FIGNL2: variants seen among roughly 807,000 people sequenced by gnomAD.
FIGNL2 encodes fidgetin like 2.
For missense variants in FIGNL2, 1,060 were observed against 950.2 expected (o/e 1.12, Z -1.52); for synonymous variants, 565 against 484.0 (o/e 1.17, Z -2.20).
chr12:51,835,354 T>A (rs1199972167), intron 1 of FIGNL2: 1 of 152,294 alleles, frequency 6.6e-6, no homozygotes, highest in African/African-American at 2.4e-5. Context: ...AAGGAACAGA[T>A]GATTCTCTAA....
chr12:51,832,732 C>T (rs1939496564), intron 1 of FIGNL2, among the ~76,000 whole-genome samples: 1 of 152,164 alleles, frequency 6.6e-6, no homozygotes, highest in Non-Finnish European at 1.5e-5. Context: ...ACATAGTTCT[C>T]CAGCTGAGAT....
chr12:51,844,838 G>A (rs1489429164), intron 1 of FIGNL2: 2 of 985,264 alleles, frequency 2.0e-6, no homozygotes, highest in African/African-American at 3.5e-5. Flanking sequence ...CTTAAAGGCT[G>A]GCCTAGTGCC....
intron 1 of FIGNL2, among the ~76,000 whole-genome samples, chr12:51,822,976 C>G (rs775271775): frequency 6.6e-6 from 1 of 152,372 alleles, no homozygotes; most frequent in African/African-American, 2.4e-5. Context: ...CTCAGCCCTT[C>G]CTGAGATTCT....
At chr12:51,831,314 G>C (rs1220967732) in intron 1 of FIGNL2, among the ~76,000 whole-genome samples, 1 of 152,264 alleles carries the variant, frequency 6.6e-6, no homozygotes, top group African/African-American at 2.4e-5. Flanking sequence ...GAGCACTGGG[G>C]CATGGAGGGG....
intron 1 of FIGNL2, among the ~76,000 whole-genome samples, chr12:51,830,027 G>T (rs1324124465): frequency 6.6e-6 from 1 of 152,158 alleles, no homozygotes; most frequent in East Asian, 1.9e-4. Flanking sequence ...GGTGGCTCAT[G>T]CCTGTAATCC....
chr12:51,819,957 G>C lies in FIGNL2; in HGVS notation c.*495C>G. On this transcript the variant is annotated 3_prime_UTR_variant, in exon 2 of 2. Transcript: ENST00000618634. Reference sequence around the variant, plus strand: ...AGGGATGGAGACAGAAGCACAGAGGGTGAGGGATGGAGAGCTGGGGAGGGA... The same window carrying C: ...AGGGATGGAGACAGAAGCACAGAGGCTGAGGGATGGAGAGCTGGGGAGGGA... 1 of 170,018 alleles carries C rather than the reference G, an allele frequency of 5.9e-6. No individual in the cohort carries two copies. Among genetic ancestry groups the C allele is most frequent in the South Asian group, 1.4e-4 (1 of 7,096 alleles). 10.5% of individuals were successfully genotyped at this position (170,018 alleles called of 1,614,324 possible). A position where few individuals can be genotyped will look rare whatever the true frequency, so the allele number is the denominator to read the frequency against.
In FIGNL2 at chr12:51,820,263, G is replaced by A. The variant is rs1939139610; in HGVS notation, c.*189C>T. On this transcript the variant is annotated 3_prime_UTR_variant, in exon 2 of 2. Coordinates refer to ENST00000618634, the MANE Select transcript of FIGNL2 (RefSeq NM_001384995.1). ...AAAAACCTGAGTACACGGCGCATAT[G>A]GCATCTGCCTGGCAGAAGCATTTTC... 4 of 719,030 alleles carry A rather than the reference G, an allele frequency of 5.6e-6. No homozygotes were observed. Among genetic ancestry groups the A allele is most frequent in the Non-Finnish European group, 4.4e-6 (2 of 454,532 alleles). 44.5% of individuals were successfully genotyped at this position (719,030 alleles called of 1,614,324 possible).
chr12:51,821,197 T>G lies in FIGNL2; in HGVS notation c.1217A>C (p.Glu406Ala). ...GQGALKAALE[E>A]ELVWPLLRPP... is the part of the protein sequence containing the mutation. ...CCTGAGCAGGGGCCACACCAGCTCC[T>G]CCTCCAGCGCCGCCTTGAGCGCGCC... The change falls in exon 2 of 2, where the codon GAG becomes GCG. Residue 406 changes from glutamate to alanine, a missense_variant. Coordinates refer to ENST00000618634, the MANE Select transcript of FIGNL2 (RefSeq NM_001384995.1). 1 of 1,518,086 alleles carries G rather than the reference T, an allele frequency of 6.6e-7. No homozygotes were observed. The highest frequency in any genetic ancestry group is 8.8e-7 in the Non-Finnish European group (1 of 1,139,952). The allele number at this position is 1,518,086 out of a possible 1,614,324, so 94.0% of individuals were successfully genotyped here.
chr12:51,834,099 G>T (rs1464318118), intron 1 of FIGNL2, among the ~76,000 whole-genome samples: 4 of 90,146 alleles, frequency 4.4e-5, no homozygotes, highest in Admixed American at 2.4e-4. Flanking sequence ...ACGGATGGGT[G>T]GATGGATGGT....
rs575572776 is a variant in FIGNL2 at position 51,830,842 on chromosome 12, G to A, written c.-11-8418C>T. Among the ~76,000 whole-genome samples the A allele has an allele frequency of 3.3e-5, 5 of 152,050 alleles. No individual in the cohort carries two copies. The South Asian group carries it at 1.0e-3, about 32-fold the overall frequency. On this transcript the variant is annotated intron_variant, in intron 1 of 1. Transcript: ENST00000618634. ...CTCACTCTATTGCCCAGGCTGGAGT[G>A]CAGTGGCGAGATCACCACAGCCTCA...
intron 1 of FIGNL2, chr12:51,828,274 G>T (rs1352407381): frequency 6.6e-6 from 1 of 152,216 alleles, no homozygotes; most frequent in Non-Finnish European, 1.5e-5. Flanking sequence ...TTTGGGTTTT[G>T]TGGTTTTCCC....
intron 1 of FIGNL2, among the ~76,000 whole-genome samples, chr12:51,837,145 G>A (rs1254413256): frequency 6.6e-6 from 1 of 152,138 alleles, no homozygotes; most frequent in Non-Finnish European, 1.5e-5. Context: ...GGAAGCTCAA[G>A]ACTAGATTAA....
At chr12:51,834,089 A>ATGGGTGGATGGATGGT (rs1491486446) in intron 1 of FIGNL2, among the ~76,000 whole-genome samples, 4 of 148,878 alleles carry the variant, frequency 2.7e-5, no homozygotes, top group Non-Finnish European at 5.9e-5. Flanking sequence ...AGACAGACAG[A>ATGGGTGGATGGATGGT]CGGATGGGTG....
intron 1 of FIGNL2, among the ~76,000 whole-genome samples, chr12:51,840,981 G>A (rs1939651019): frequency 1.3e-5 from 2 of 152,194 alleles, no homozygotes; most frequent in African/African-American, 4.8e-5. Flanking sequence ...TCCCGTGCAT[G>A]GGGGTGGGAG....
In FIGNL2 at chr12:51,820,075, G is replaced by A; in HGVS notation, c.*377C>T. 3.8e-6 allele frequency: 1 copy of A among 260,402 alleles called. No individual in the cohort carries two copies. The highest frequency in any genetic ancestry group is 7.4e-6 in the Non-Finnish European group (1 of 135,702). 16.1% of individuals were successfully genotyped at this position (260,402 alleles called of 1,614,324 possible). On this transcript the variant is annotated 3_prime_UTR_variant, in exon 2 of 2. Transcript: ENST00000618634. ...AAAACCAAGAGAATGCAGAGAATGGGATGGAGAGAGTGAGGGAGAAGGAGG... is the reference window on the plus strand; with the variant it reads ...AAAACCAAGAGAATGCAGAGAATGGAATGGAGAGAGTGAGGGAGAAGGAGG...
intron 1 of FIGNL2, among the ~76,000 whole-genome samples, chr12:51,840,140 G>A (rs1433543070): frequency 6.6e-6 from 1 of 152,220 alleles, no homozygotes; most frequent in East Asian, 1.9e-4. Context: ...TCAGTGATGG[G>A]CACTGCGGGG....
intron 1 of FIGNL2, among the ~76,000 whole-genome samples, chr12:51,831,355 G>T (rs958091031): frequency 2.0e-5 from 3 of 152,202 alleles, no homozygotes; most frequent in Non-Finnish European, 2.9e-5. Flanking sequence ...GGCTCCAGGA[G>T]AAAACAAGGA....
At chr12:51,833,042 T>C (rs1939501279) in intron 1 of FIGNL2, among the ~76,000 whole-genome samples, 1 of 151,848 alleles carries the variant, frequency 6.6e-6, no homozygotes, top group Admixed American at 6.6e-5. Flanking sequence ...GCAGCCTCTC[T>C]CTCTTTTTTT....
chr12:51,835,652 C>T (rs530756897), intron 1 of FIGNL2, among the ~76,000 whole-genome samples: 2 of 152,274 alleles, frequency 1.3e-5, no homozygotes, highest in East Asian at 1.9e-4. Context: ...GTTCAACAAC[C>T]GTATGTGGAA....
Sources: allele counts gnomAD v4.1 joint callset (sites outside exome capture counted in the v4.1 genomes callset), GRCh38; gene constraint gnomAD v4.1.1; transcripts MANE v1.5; gene names NCBI Gene and HGNC (gene_info 2026-07-23, HGNC 2026-07-21).